The following ARHGAP24 variants were observed in gnomAD, a reference collection of about 807,000 sequenced individuals.
ARHGAP24 encodes the protein rho GTPase-activating protein 24.
Under a neutral mutation model 76.4 loss-of-function variants are expected in ARHGAP24, and 50 were observed. That is an observed-to-expected ratio of 0.65 (90% confidence interval 0.52 to 0.83). The LOEUF is 0.83. ARHGAP24 is among the 40% of genes least tolerant of loss of function. ARHGAP24 has a pLI of 0.00. For synonymous variants in ARHGAP24, 345 were observed against 323.3 expected, an observed-to-expected ratio of 1.07 and a Z score of -0.72; for missense variants, 930 against 914.2, an observed-to-expected ratio of 1.02 and a Z score of -0.22.
At chr4:85,871,827 G>A (rs1452685) in intron 3 of ARHGAP24, among the ~76,000 whole-genome samples, 146,251 of 152,096 alleles carry the variant, frequency 0.96, 70,590 homozygotes, top group East Asian at 1. Context: ...CCATCCTCCC[G>A]CCAACAAAGA....
At position 85,931,833 on chromosome 4, in the gene ARHGAP24, A is replaced by G. The variant is rs1184575212; in HGVS notation, c.391+8063A>G. 3.3e-5 allele frequency among the ~76,000 whole-genome samples: 5 copies of G among 152,332 alleles called. No homozygotes were observed. In the East Asian group the frequency reaches 9.7e-4, roughly 29 times the overall value. ...GAATAATTAAATGGAATGGCTGTTT[A>G]AGTAGAAACTAAGTAATTATAATGT... On this transcript the variant is annotated intron_variant, in intron 4 of 9. Coordinates refer to ENST00000395184, the MANE Select transcript of ARHGAP24 (RefSeq NM_001025616.3).
chr4:85,596,790 A>G (rs989187847), intron 2 of ARHGAP24, among the ~76,000 whole-genome samples: 2 of 152,134 alleles, frequency 1.3e-5, no homozygotes, highest in Admixed American at 6.6e-5. Flanking sequence ...ATCATTTGAT[A>G]ACTAGATTTT....
intron 1 of ARHGAP24, among the ~76,000 whole-genome samples, chr4:85,513,631 G>C (rs1430010536): frequency 6.6e-6 from 1 of 152,032 alleles, no homozygotes; most frequent in Non-Finnish European, 1.5e-5. Context: ...ACTAAAGACA[G>C]AAAACAAACT....
intron 3 of ARHGAP24, among the ~76,000 whole-genome samples, chr4:85,813,267 G>A (rs1230193938): frequency 6.6e-6 from 1 of 152,166 alleles, no homozygotes; most frequent in Admixed American, 6.5e-5. Flanking sequence ...CAACAGGGAA[G>A]CAGTTCATTT....
chr4:85,552,406 T>C (rs190551678), intron 1 of ARHGAP24, among the ~76,000 whole-genome samples: 2 of 152,248 alleles, frequency 1.3e-5, no homozygotes, highest in Admixed American at 1.3e-4. Context: ...ATGATTTCAG[T>C]TTTTTTGAAT....
intron 1 of ARHGAP24, among the ~76,000 whole-genome samples, chr4:85,549,042 T>C (rs556219267): frequency 2.8e-4 from 42 of 151,990 alleles, no homozygotes; most frequent in Non-Finnish European, 4.7e-4. Context: ...TGCTCTTTGT[T>C]TATCTGTTCC....
intron 3 of ARHGAP24, among the ~76,000 whole-genome samples, chr4:85,887,296 A>G (rs540955544): frequency 1.2e-4 from 19 of 152,304 alleles, no homozygotes; most frequent in Middle Eastern, 3.4e-3. Flanking sequence ...GAGTATTAAA[A>G]TATATAATCC....
intron 2 of ARHGAP24, among the ~76,000 whole-genome samples, chr4:85,684,625 G>C (rs1723352568): frequency 2.0e-5 from 3 of 152,142 alleles, no homozygotes; most frequent in Admixed American, 6.5e-5. Context: ...TGGATCTGCA[G>C]TGTATCATAT....
intron 3 of ARHGAP24, among the ~76,000 whole-genome samples, chr4:85,905,386 GTT>G (rs11330411): frequency 6.6e-6 from 1 of 151,788 alleles, no homozygotes; most frequent in Non-Finnish European, 1.5e-5. Context: ...AAGACAGTCT[GTT>G]TTTTTGGCAT....
At chr4:85,494,991 G>A (rs1329954619) in intron 1 of ARHGAP24, among the ~76,000 whole-genome samples, 2 of 150,604 alleles carry the variant, frequency 1.3e-5, no homozygotes, top group South Asian at 4.2e-4. Flanking sequence ...CCAGCTACTC[G>A]AGAGGCTGAG....
chr4:85,790,772 A>C (rs1869238), intron 3 of ARHGAP24, among the ~76,000 whole-genome samples: 39,702 of 152,104 alleles, frequency 0.26, 5,472 homozygotes, highest in African/African-American at 0.31. Flanking sequence ...TCAAATGCTT[A>C]GTTCTCCAGA....
chr4:85,889,694 G>A (rs1339716153), intron 3 of ARHGAP24, among the ~76,000 whole-genome samples: 1 of 152,138 alleles, frequency 6.6e-6, no homozygotes, highest in Non-Finnish European at 1.5e-5. Context: ...TATCTCACTG[G>A]TTAAAGTTCC....
rs570472500 is a variant in ARHGAP24 at position 85,500,932 on chromosome 4, C to T, written c.-21+25373C>T. Among the ~76,000 whole-genome samples, 4 of 149,126 alleles carry T rather than the reference C, an allele frequency of 2.7e-5. No homozygotes were observed. In the South Asian group the frequency reaches 6.6e-4, roughly 25 times the overall value. On this transcript the variant is annotated intron_variant, in intron 1 of 9. Coordinates refer to ENST00000395184, the MANE Select transcript of ARHGAP24 (RefSeq NM_001025616.3). ...TCCCCACCCAGTGTCCAAGTGTTCT[C>T]ATTGTTCAATTCCCACCTACAAGTG...
At chr4:85,688,905 G>C (rs767389381) in intron 2 of ARHGAP24, among the ~76,000 whole-genome samples, 2 of 152,052 alleles carry the variant, frequency 1.3e-5, no homozygotes, top group Non-Finnish European at 2.9e-5. Context: ...CCATTGGTCT[G>C]TGTGTCTGTT....
chr4:85,927,035 T>C (rs1736057982), intron 4 of ARHGAP24, among the ~76,000 whole-genome samples: 1 of 152,012 alleles, frequency 6.6e-6, no homozygotes, highest in Non-Finnish European at 1.5e-5. Context: ...CATTCAAAAG[T>C]ACTAGAATTG....
At chr4:85,569,783 A>G (rs925333973) in intron 1 of ARHGAP24, among the ~76,000 whole-genome samples, 1 of 152,224 alleles carries the variant, frequency 6.6e-6, no homozygotes, top group Non-Finnish European at 1.5e-5. Flanking sequence ...AACAGAGGGT[A>G]GAAACATCTT....
chr4:85,632,001 A>G (rs1174707172), intron 2 of ARHGAP24, among the ~76,000 whole-genome samples: 1 of 152,040 alleles, frequency 6.6e-6, no homozygotes, highest in East Asian at 1.9e-4. Flanking sequence ...GTATCCATAG[A>G]TCCAATTCTT....
At chr4:85,773,530 C>T (rs928749207) in intron 3 of ARHGAP24, among the ~76,000 whole-genome samples, 1 of 152,120 alleles carries the variant, frequency 6.6e-6, no homozygotes, top group African/African-American at 2.4e-5. Flanking sequence ...GGTTCTATCT[C>T]CTCAAGGCAG....
At position 86,001,335 on chromosome 4, in the gene ARHGAP24, A is replaced by AATT; in HGVS notation, c.*614_*616dup. 1 of 399,018 alleles carries AATT rather than the reference A, an allele frequency of 2.5e-6. No individual in the cohort carries two copies. The highest frequency in any genetic ancestry group is 1.3e-4 in the South Asian group (1 of 7,856). 24.7% of individuals were successfully genotyped at this position (399,018 alleles called of 1,614,324 possible). A position where few individuals can be genotyped will look rare whatever the true frequency, so the allele number is the denominator to read the frequency against. Reference sequence around the variant, plus strand: ...CCAGGAACCTTTGAGCTGCTTTTAAAATTCTTCCCCTGGCACCACTCAGTT... The same window carrying AATT: ...CCAGGAACCTTTGAGCTGCTTTTAAAATTATTCTTCCCCTGGCACCACTCAGTT... On this transcript the variant is annotated 3_prime_UTR_variant, in exon 10 of 10. Coordinates refer to ENST00000395184, the MANE Select transcript of ARHGAP24 (RefSeq NM_001025616.3).
Sources: gnomAD v4.1 joint callset for allele counts (sites outside exome capture counted in the v4.1 genomes callset) on GRCh38, gnomAD v4.1.1 for gene constraint, MANE v1.5 for transcripts, NCBI Gene and HGNC (gene_info 2026-07-23, HGNC 2026-07-21) for gene names.